The following GPT variants were observed in gnomAD, a reference collection of about 807,000 sequenced individuals.
GPT encodes alanine aminotransferase 1.
Under a neutral mutation model 51.4 loss-of-function variants are expected in GPT, and 60 were observed. The observed-to-expected ratio is 1.17, with a 90% CI of 0.95 to 1.45. The LOEUF (loss-of-function observed/expected upper bound fraction) is 1.45. Ranked by LOEUF, GPT falls within the 40% of genes most tolerant of loss-of-function variation. The probability of loss-of-function intolerance (pLI) is 0.00; values close to 1 mark genes in which losing one functional copy is unlikely to be tolerated. For synonymous variants in GPT, 397 were observed against 303.1 expected (o/e 1.31, Z -3.22); for missense variants, 853 against 704.0 (o/e 1.21, Z -2.40).
rs537094982 is a variant in GPT at position 144,506,706 on chromosome 8, C to T, written c.1288-25C>T. Reference sequence around the variant, plus strand: ...GGTGGGCAGGGGGGGCCGGGCATCCCTCTCTGACGGCTCTCCGTCCACAGG... The same window carrying T: ...GGTGGGCAGGGGGGGCCGGGCATCCTTCTCTGACGGCTCTCCGTCCACAGG... On this transcript the variant is annotated intron_variant, in intron 9 of 10. Transcript: ENST00000394955. The surrounding 1 kb of genome is among the most constrained non-coding windows in gnomAD (Gnocchi z 7.0). 43 of 1,607,118 alleles carry T rather than the reference C, an allele frequency of 2.7e-5. 1 individual carries two copies. In the African/African-American group the frequency reaches 4.9e-4, roughly 18 times the overall value.
At position 144,506,782 on chromosome 8, in the gene GPT, A is replaced by C; in HGVS notation, c.1339A>C (p.Thr447Pro). The C allele has an allele frequency of 2.5e-6, 4 of 1,612,432 alleles. No homozygotes were observed. The highest frequency in any genetic ancestry group is 2.5e-6 in the Non-Finnish European group (3 of 1,179,936). The part of the protein sequence containing the change: ...MFFCLRLLEE[T>P]GICVVPGSGF... ...CTTCTGCCTGCGCCTCCTGGAGGAG[A>C]CCGGCATCTGCGTGGTGCCAGGGAG... is the stretch of plus-strand genomic sequence containing the variant. The change falls in exon 10 of 11, where the codon ACC (threonine) becomes CCC (proline). Residue 447 changes from threonine to proline, a missense_variant. By Grantham distance (38) the Thr-to-Pro change is conservative. Transcript: ENST00000394955. The surrounding 1 kb of genome is among the most constrained non-coding windows in gnomAD (Gnocchi z 7.0).
In GPT at chr8:144,505,300, A is replaced by G; in HGVS notation, c.550A>G (p.Ile184Val). 2.5e-6 allele frequency: 4 copies of G among 1,572,778 alleles called. No homozygotes were observed. Among genetic ancestry groups the G allele is most frequent in the Non-Finnish European group, 3.4e-6 (4 of 1,159,576 alleles). ...GGGCCACACACGCACGGGTGTGCTC[A>G]TCCCCATCCCCCAGTACCCACTCTA... ...GEGHTRTGVL[I>V]PIPQYPLYSA... The change falls in exon 5 of 11, where the codon ATC becomes GTC. Residue 184 changes from isoleucine to valine, a missense_variant. Physicochemically the swap from Ile to Val is conservative, Grantham distance 29 (BLOSUM62 3). Transcript: ENST00000394955.
In GPT at chr8:144,506,433, G is replaced by A. The variant is rs1415580082; in HGVS notation, c.1131+27G>A. 2 of 1,564,506 alleles carry A rather than the reference G, an allele frequency of 1.3e-6. No individual in the cohort carries two copies. Among genetic ancestry groups the A allele is most frequent in the African/African-American group, 1.3e-5 (1 of 74,246 alleles). On this transcript the variant is annotated intron_variant, in intron 8 of 10. Transcript: ENST00000394955. The surrounding 1 kb of genome is among the most constrained non-coding windows in gnomAD (Gnocchi z 7.0). ...TGAGTTGGGGGCAGGAGGGGGTCCA[G>A]GTGACCTAATCAGGGGTGGGGGATG...
chr8:144,505,837 CG>C lies in GPT; in HGVS notation c.740-9del. 6.5e-7 allele frequency: 1 copy of C among 1,544,282 alleles called. No homozygotes were observed. Among genetic ancestry groups the C allele is most frequent in the Non-Finnish European group, 8.7e-7 (1 of 1,146,302 alleles). The stretch of plus-strand genomic sequence containing the variant: ...GGCTCACCCAGCACTGCTGCCTCCC[CG>C]GCACCCCAGGGCAGGTGCAGACCCG... On this transcript the variant is annotated splice_polypyrimidine_tract_variant and intron_variant, in intron 5 of 10. Coordinates refer to ENST00000394955, the MANE Select transcript of GPT (RefSeq NM_005309.3).
At chr8:144,503,163 T>C (rs941095494), upstream of GPT, 1 of 152,262 alleles carries the variant, frequency 6.6e-6, no homozygotes, top group Non-Finnish European at 1.5e-5. Context: ...GGGCTCCCGA[T>C]GGCTTTTCTC....
chr8:144,506,427 G>A lies in GPT; in HGVS notation c.1131+21G>A. 1 of 1,562,608 alleles carries A rather than the reference G, an allele frequency of 6.4e-7. No individual in the cohort carries two copies. The highest frequency in any genetic ancestry group is 8.7e-7 in the Non-Finnish European group (1 of 1,155,456). ...AGGCTGTGAGTTGGGGGCAGGAGGG[G>A]GTCCAGGTGACCTAATCAGGGGTGG... On this transcript the variant is annotated intron_variant, in intron 8 of 10. Coordinates refer to ENST00000394955, the MANE Select transcript of GPT (RefSeq NM_005309.3). This position sits in a 1 kb window ranked among gnomAD's most constrained non-coding sequence, Gnocchi z 7.0.
upstream of GPT, chr8:144,504,059 CT>C (rs1826663370): frequency 1.7e-6 from 1 of 571,554 alleles, no homozygotes; most frequent in East Asian, 3.0e-5. Flanking sequence ...CTGCCTCTGC[CT>C]CCCTGGGGCA....
chr8:144,506,967 G>A lies in GPT; in HGVS notation c.1458G>A (p.Arg486=), dbSNP rs753670951. 2.7e-5 allele frequency: 44 copies of A among 1,612,612 alleles called. No homozygotes were observed. Among genetic ancestry groups the A allele is most frequent in the South Asian group, 3.3e-5 (3 of 91,090 alleles). ...KLRLLLEKLS[R]FHAKFTLEYS Reference sequence around the variant, plus strand: ...GGCTGCTGCTGGAGAAGCTGAGCAGGTTCCATGCCAAGTTCACCCTCGAGT... The same window carrying A: ...GGCTGCTGCTGGAGAAGCTGAGCAGATTCCATGCCAAGTTCACCCTCGAGT... Residue 486 remains arginine, a synonymous_variant, in exon 11 of 11, where the codon AGG becomes AGA. Coordinates refer to ENST00000394955, the MANE Select transcript of GPT (RefSeq NM_005309.3). The surrounding 1 kb of genome is among the most constrained non-coding windows in gnomAD (Gnocchi z 7.0).
rs760687865 is a variant in GPT at position 144,506,498 on chromosome 8, CAGG to C, written c.1132_1134del (p.Glu378del). The C allele has an allele frequency of 6.3e-6, 10 of 1,595,862 alleles. No individual in the cohort carries two copies. The highest frequency in any genetic ancestry group is 1.1e-5 in the South Asian group (1 of 87,970). ...CTGATGGGCCCTCCCTCCGCGGCCACAGGAGAAGCAGGCAGTGCTGGCAGAGCT... is the reference window on the plus strand; with the variant it reads ...CTGATGGGCCCTCCCTCCGCGGCCACAGAAGCAGGCAGTGCTGGCAGAGCT... On this transcript the variant is annotated splice_acceptor_variant and coding_sequence_variant, in exon 9 of 11. Coordinates refer to ENST00000394955, the MANE Select transcript of GPT (RefSeq NM_005309.3). LOFTEE classifies it high-confidence loss of function. This position sits in a 1 kb window ranked among gnomAD's most constrained non-coding sequence, Gnocchi z 7.0.
chr8:144,506,246 G>A lies in GPT; in HGVS notation c.971G>A (p.Gly324Asp). ...GCCGTGCGCAGGTGCGGGTTCCGCGGCGGCTATGTGGAGGTGGTGAACATG... is the reference window on the plus strand; with the variant it reads ...GCCGTGCGCAGGTGCGGGTTCCGCGACGGCTATGTGGAGGTGGTGAACATG... ...KGYMGECGFR[G>D]GYVEVVNMDA... Residue 324 changes from glycine (G) to aspartate (D), a missense_variant, in exon 8 of 11, where the codon GGC (glycine) becomes GAC (aspartate). Physicochemically the swap from Gly to Asp is moderately conservative, Grantham distance 94 (BLOSUM62 -1). Transcript: ENST00000394955. This position sits in a 1 kb window ranked among gnomAD's most constrained non-coding sequence, Gnocchi z 7.0. The A allele has an allele frequency of 1.9e-6, 3 of 1,607,006 alleles. No individual in the cohort carries two copies. Among genetic ancestry groups the A allele is most frequent in the Non-Finnish European group, 2.5e-6 (3 of 1,179,014 alleles).
rs143462595 is a variant in GPT at position 144,506,768 on chromosome 8, G to A, written c.1325G>A (p.Arg442His). Reference protein sequence around the residue: ...GLAPDMFFCLRLLEETGICVV... With the variant: ...GLAPDMFFCLHLLEETGICVV... ...GCCCCCGATATGTTCTTCTGCCTGC[G>A]CCTCCTGGAGGAGACCGGCATCTGC... Residue 442 changes from arginine (R) to histidine (H), a missense_variant, in exon 10 of 11, where the codon CGC (arginine) becomes CAC (histidine). Coordinates refer to ENST00000394955, the MANE Select transcript of GPT (RefSeq NM_005309.3). This position sits in a 1 kb window ranked among gnomAD's most constrained non-coding sequence, Gnocchi z 7.0. 2.0e-3 allele frequency: 3,304 copies of A among 1,612,324 alleles called. 6 individuals carry two copies. Among genetic ancestry groups the A allele is most frequent in the Non-Finnish European group, 2.5e-3 (2,977 of 1,179,958 alleles).
rs150447348 is a variant in GPT, at chr8:144,505,904, C to G, written c.796C>G (p.Arg266Gly). 4.4e-4 allele frequency: 708 copies of G among 1,601,354 alleles called. 3 individuals are homozygous for G. In the African/African-American group the frequency reaches 7.2e-3, roughly 16 times the overall value. The change falls in exon 6 of 11, where the codon CGG becomes GGG. Residue 266 changes from arginine to glycine, a missense_variant. Physicochemically the swap from Arg to Gly is moderately radical, Grantham distance 125. Transcript: ENST00000394955. The stretch of plus-strand genomic sequence containing the variant: ...CGTGATCCGCTTCGCCTTCGAAGAG[C>G]GGCTCTTTCTGCTGGCGGACGAGGT... ...EAVIRFAFEE[R>G]LFLLADEVYQ... is the part of the protein sequence containing the mutation.
At position 144,504,447 on chromosome 8, in the gene GPT, T is replaced by C. The variant is rs1826684648; in HGVS notation, c.143T>C (p.Leu48Pro). 1.9e-6 allele frequency: 3 copies of C among 1,610,446 alleles called. No homozygotes were observed. In the South Asian group the frequency reaches 3.3e-5, roughly 18 times the overall value. ...CCCATAGTGCAGCGAGCCTTGGAGC[T>C]GGAGCAGGAGCTGCGCCAGGTATGG... ...RGPIVQRALE[L>P]EQELRQGVKK... Residue 48 changes from leucine (L) to proline (P), a missense_variant, in exon 1 of 11, where the codon CTG becomes CCG. By Grantham distance (98) the Leu-to-Pro change is moderately conservative. Transcript: ENST00000394955.
rs1307710654 is a variant in GPT, at chr8:144,506,644, GGAGC to G, written c.1277_1280del (p.Glu426AlafsTer42). The G allele has an allele frequency of 6.4e-7, 1 of 1,558,382 alleles. No homozygotes were observed. On this transcript the variant is annotated frameshift_variant, in exon 9 of 11. Transcript: ENST00000394955. LOFTEE classifies it high-confidence loss of function. The surrounding 1 kb of genome is among the most constrained non-coding windows in gnomAD (Gnocchi z 7.0). ...GCGTGCAGCTGCCCCCGCGGGCGGT[GGAGC>G]GCGCTCAGGTCAGGCGGGGGCGGGG... is the stretch of plus-strand genomic sequence containing the variant.
chr8:144,505,991 C>T lies in GPT; in HGVS notation c.820-4C>T. On this transcript the variant is annotated splice_region_variant and splice_polypyrimidine_tract_variant and intron_variant, in intron 6 of 10. Coordinates refer to ENST00000394955, the MANE Select transcript of GPT (RefSeq NM_005309.3). ...CGCCCCCGTGACGCCTTGCGCCCTT[C>T]CAGGTGTACCAGGACAACGTGTACG... 1 of 1,612,364 alleles carries T rather than the reference C, an allele frequency of 6.2e-7. No homozygotes were observed. The highest frequency in any genetic ancestry group is 8.5e-7 in the Non-Finnish European group (1 of 1,179,682).
chr8:144,504,869 C>T lies in GPT; in HGVS notation c.351C>T (p.Gly117=). Residue 117 remains glycine, a synonymous_variant, in exon 3 of 11, where the codon GGC becomes GGT. Coordinates refer to ENST00000394955, the MANE Select transcript of GPT (RefSeq NM_005309.3). ...AGCGCATCTTGCAGGCGTGTGGGGG[C>T]CACAGTCTGGGTGAGAGCCAGGGCC... ...RAERILQACG[G]HSLGAYSVSS... 1.2e-6 allele frequency: 2 copies of T among 1,613,258 alleles called. No individual in the cohort carries two copies. Among genetic ancestry groups the T allele is most frequent in the East Asian group, 2.2e-5 (1 of 44,892 alleles).
At position 144,504,288 on chromosome 8, in the gene GPT, C is replaced by G; in HGVS notation, c.-17C>G. On this transcript the variant is annotated 5_prime_UTR_variant, in exon 1 of 11. Transcript: ENST00000394955. The stretch of plus-strand genomic sequence containing the variant: ...GCCACCTCCTGAGCTGCCTTCCCGC[C>G]TGGTCTGGGTAGAGTCATGGCCTCG... 1 of 1,605,994 alleles carries G rather than the reference C, an allele frequency of 6.2e-7. No individual in the cohort carries two copies. Among genetic ancestry groups the G allele is most frequent in the Non-Finnish European group, 8.5e-7 (1 of 1,179,676 alleles).
rs760804575 is a variant in GPT, at chr8:144,505,082, C to T, written c.446C>T (p.Ala149Val). 3.1e-5 allele frequency: 50 copies of T among 1,613,018 alleles called. No individual in the cohort carries two copies. The highest frequency in any genetic ancestry group is 2.8e-4 in the African/African-American group (21 of 74,912). ...GAGAGGCGTGACGGAGGCATCCCTGCGGACCCCAACAACGTCTTCCTGTCC... is the reference window on the plus strand; with the variant it reads ...GAGAGGCGTGACGGAGGCATCCCTGTGGACCCCAACAACGTCTTCCTGTCC... ...YIERRDGGIP[A>V]DPNNVFLSTG... Residue 149 changes from alanine (A) to valine (V), a missense_variant, in exon 4 of 11, where the codon GCG (alanine) becomes GTG (valine). Transcript: ENST00000394955.
Position 144,506,663 on chromosome 8 carries a change from C to T in GPT, c.1287+7C>T, listed in dbSNP as rs751767383. ...GGCGGTGGAGCGCGCTCAGGTCAGG[C>T]GGGGGCGGGGCCTGCGGGGTGGGCA... On this transcript the variant is annotated splice_region_variant and intron_variant, in intron 9 of 10. Coordinates refer to ENST00000394955, the MANE Select transcript of GPT (RefSeq NM_005309.3). This position sits in a 1 kb window ranked among gnomAD's most constrained non-coding sequence, Gnocchi z 7.0. The T allele has an allele frequency of 2.0e-4, 119 of 601,196 alleles. No homozygotes were observed. The African/African-American group carries it at 2.0e-3, about 10-fold the overall frequency. The allele number at this position is 601,196 out of a possible 1,614,324, so 37.2% of individuals were successfully genotyped here. A position where few individuals can be genotyped will look rare whatever the true frequency, so the allele number is the denominator to read the frequency against.
Sources: allele counts gnomAD v4.1 joint callset, GRCh38; gene constraint gnomAD v4.1.1; non-coding constraint Gnocchi (gnomAD v3.1); transcripts MANE v1.5; gene names NCBI Gene and HGNC (gene_info 2026-07-23, HGNC 2026-07-21).